FAR2: variants seen among roughly 807,000 people sequenced by gnomAD.
FAR2 encodes the protein epididymis secretory protein Li 81.
FAR2 carries 19 observed loss-of-function variants against 56.0 expected under a neutral mutation model. The observed-to-expected ratio is 0.34, with a 90% CI of 0.24 to 0.50. The LOEUF is 0.50. Among genes scored for constraint, FAR2 ranks in the 20% least tolerant of loss-of-function variants. The pLI, the probability that FAR2 is intolerant of heterozygous loss-of-function variation, is 0.98. For missense variants in FAR2, 508 were observed against 642.2 expected (o/e 0.79, Z 2.26); for synonymous variants, 219 against 218.8 (o/e 1.00, Z -0.01).
intron 1 of FAR2, among the ~76,000 whole-genome samples, chr12:29,169,927 G>C (rs112180353): frequency 0.024 from 3,705 of 152,162 alleles, 138 homozygotes; most frequent in African/African-American, 0.082. Context: ...GCACAGATAG[G>C]GTATGATTTC....
At chr12:29,179,415 T>C (rs1159411006) in intron 1 of FAR2, among the ~76,000 whole-genome samples, 1 of 152,208 alleles carries the variant, frequency 6.6e-6, no homozygotes, top group East Asian at 1.9e-4. Context: ...ACTTGCTGTG[T>C]ACTTACCCTA....
intron 1 of FAR2, among the ~76,000 whole-genome samples, chr12:29,253,723 C>A (rs975831856): frequency 6.6e-6 from 1 of 152,112 alleles, no homozygotes; most frequent in African/African-American, 2.4e-5. Flanking sequence ...TTCTCAATAT[C>A]ATTTTATCAT....
chr12:29,316,869 A>C lies in FAR2; in HGVS notation c.984A>C (p.Lys328Asn), dbSNP rs1391737291. 2.5e-6 allele frequency: 4 copies of C among 1,613,956 alleles called. No homozygotes were observed. The highest frequency in any genetic ancestry group is 3.4e-6 in the Non-Finnish European group (4 of 1,179,990). Residue 328 changes from lysine to asparagine, a missense_variant, in exon 9 of 12, where the codon AAA becomes AAC. Lys to Asn is a moderately conservative substitution (Grantham distance 94). Transcript: ENST00000536681. Reference protein sequence around the residue: ...MGVQVLATFEKIPFERPFRRP... With the variant: ...MGVQVLATFENIPFERPFRRP... ...TCCAAGTCTTGGCAACCTTTGAAAA[A>C]ATCCCATTTGAGAGACCTTTCAGGA...
At chr12:29,320,458 A>T (rs1202833183) in intron 9 of FAR2, among the ~76,000 whole-genome samples, 2 of 152,228 alleles carry the variant, frequency 1.3e-5, no homozygotes, top group African/African-American at 4.8e-5. Flanking sequence ...CTCATGCCTA[A>T]GAAATTTCCT....
At chr12:29,230,861 T>A (rs1289378802) in intron 1 of FAR2, among the ~76,000 whole-genome samples, 1 of 152,148 alleles carries the variant, frequency 6.6e-6, no homozygotes, top group East Asian at 1.9e-4. Context: ...TTCAGGAGAT[T>A]GTTTTGAGTC....
At chr12:29,315,863 T>C (rs1490428908) in intron 8 of FAR2, among the ~76,000 whole-genome samples, 1 of 152,164 alleles carries the variant, frequency 6.6e-6, no homozygotes, top group Non-Finnish European at 1.5e-5. Flanking sequence ...TAAATGTGAA[T>C]GTCTATTACA....
chr12:29,277,902 T>A (rs1053269246), intron 2 of FAR2: 5 of 151,940 alleles, frequency 3.3e-5, no homozygotes, highest in African/African-American at 1.2e-4. Context: ...TTGTTTCAAT[T>A]TAAAACATTC....
chr12:29,285,031 C>T (rs187401974), intron 2 of FAR2, among the ~76,000 whole-genome samples: 125 of 152,108 alleles, frequency 8.2e-4, no homozygotes, highest in Non-Finnish European at 1.2e-3. Context: ...TTAGTAGAGG[C>T]GGGGTTTCAC....
At chr12:29,270,801 G>A (rs538054150) in intron 2 of FAR2, among the ~76,000 whole-genome samples, 163 bp downstream of exon 2, 12 of 152,280 alleles carry the variant, frequency 7.9e-5, no homozygotes, top group Admixed American at 6.5e-4. Flanking sequence ...GGTGGAAATC[G>A]GTGTTTTCCC....
At chr12:29,281,711 A>T (rs1948786076) in intron 2 of FAR2, among the ~76,000 whole-genome samples, 1 of 150,958 alleles carries the variant, frequency 6.6e-6, no homozygotes, top group African/African-American at 2.5e-5. Context: ...AGTGAAAGAA[A>T]GAAGGTGTAT....
chr12:29,180,762 T>TATC lies in FAR2; in HGVS notation c.-39+31356_-39+31358dup, dbSNP rs1047278969. Among the ~76,000 whole-genome samples, 34 of 151,776 alleles carry TATC rather than the reference T, an allele frequency of 2.2e-4. No homozygotes were observed. In the South Asian group the frequency reaches 4.8e-3, roughly 22 times the overall value. On this transcript the variant is annotated intron_variant, in intron 1 of 11. Transcript: ENST00000536681. ...CTATCTATCTATCTATCTATCTATCTATCTATCTATTCTCTATCTGTAAAA... is the reference window on the plus strand; with the variant it reads ...CTATCTATCTATCTATCTATCTATCTATCATCTATCTATTCTCTATCTGTAAAA...
chr12:29,328,692 T>C (rs529179807), intron 10 of FAR2, among the ~76,000 whole-genome samples: 2 of 129,918 alleles, frequency 1.5e-5, no homozygotes, highest in Admixed American at 1.0e-4. Flanking sequence ...AATTGAACAA[T>C]GAGAACACAT....
At position 29,244,183 on chromosome 12, in the gene FAR2, A is replaced by G. The variant is rs80206859; in HGVS notation, c.-38-26229A>G. On this transcript the variant is annotated intron_variant, in intron 1 of 11. Transcript: ENST00000536681. ...AAAATAATCAAATGATTCATCATAG[A>G]ACTTATACAAAATCAAAAATGACTA... Among the ~76,000 whole-genome samples, 720 of 152,340 alleles carry G rather than the reference A, an allele frequency of 4.7e-3. 25 individuals are homozygous for G. In the East Asian group the frequency reaches 0.072, roughly 15 times the overall value.
chr12:29,204,811 A>T lies in FAR2; in HGVS notation c.-39+55404A>T, dbSNP rs374186556. ...GGGAGGTGCTACACACTTTTAAACA[A>T]CCGGATCTCAGAATAACTCACTCAT... On this transcript the variant is annotated intron_variant, in intron 1 of 11. Coordinates refer to ENST00000536681, the MANE Select transcript of FAR2 (RefSeq NM_001271783.2). 4.6e-5 allele frequency among the ~76,000 whole-genome samples: 7 copies of T among 152,238 alleles called. No individual in the cohort carries two copies. The East Asian group carries it at 9.7e-4, about 21-fold the overall frequency.
At chr12:29,253,360 CAGATATCTATCTATCTAGAT>C in intron 1 of FAR2, among the ~76,000 whole-genome samples, 1 of 65,000 alleles carries the variant, frequency 1.5e-5, no homozygotes, top group East Asian at 6.3e-4. Context: ...TCTATCTATA[CAGATATCTATCTATCTAGAT>C]AGATAGATAG....
chr12:29,184,544 C>T (rs1443380084), intron 1 of FAR2, among the ~76,000 whole-genome samples: 2 of 148,090 alleles, frequency 1.4e-5, no homozygotes, highest in Non-Finnish European at 3.0e-5. Flanking sequence ...AAATGATTCT[C>T]CTGCCTCAAC....
intron 11 of FAR2, chr12:29,333,218 G>C: frequency 3.6e-6 from 1 of 278,578 alleles, no homozygotes; most frequent in Non-Finnish European, 7.0e-6. Context: ...CAGAGGATCT[G>C]TAGTGCAGAG....
chr12:29,310,846 C>T (rs1395268301), intron 6 of FAR2, among the ~76,000 whole-genome samples, 182 bp from the exon 7 acceptor site: 1 of 152,142 alleles, frequency 6.6e-6, no homozygotes, highest in Non-Finnish European at 1.5e-5. Flanking sequence ...GACGCATGCA[C>T]TTGGCTGGGA....
At chr12:29,187,026 G>T (rs1218543614) in intron 1 of FAR2, among the ~76,000 whole-genome samples, 2 of 152,094 alleles carry the variant, frequency 1.3e-5, no homozygotes, top group Non-Finnish European at 2.9e-5. Context: ...CTGGCCTCGT[G>T]ATCCGCCCAC....
Sources: allele counts gnomAD v4.1 joint callset (sites outside exome capture counted in the v4.1 genomes callset), GRCh38; gene constraint gnomAD v4.1.1; transcripts MANE v1.5; gene names NCBI Gene and HGNC (gene_info 2026-07-23, HGNC 2026-07-21).